The following PLCE1 variants were observed in gnomAD, a reference collection of about 807,000 sequenced individuals.
The protein encoded by PLCE1 is phospholipase C epsilon 1.
A neutral mutation model predicts 242.8 loss-of-function variants in PLCE1; 119 were observed. The ratio of observed to expected loss-of-function variants is 0.49; its 90% CI spans 0.42 to 0.57. The LOEUF (loss-of-function observed/expected upper bound fraction) is 0.57, where lower values mean the gene tolerates loss of function less well. Among genes scored for constraint, PLCE1 ranks in the 20% least tolerant of loss-of-function variants. The probability of loss-of-function intolerance (pLI) is 0.00; values close to 1 mark genes in which losing one functional copy is unlikely to be tolerated. For synonymous variants in PLCE1, 945 were observed against 1,017.4 expected (o/e 0.93, Z 1.35); for missense variants, 2,441 against 2,788.8 (o/e 0.88, Z 2.81).
At chr10:94,048,544 A>G (rs1223161747) in intron 2 of PLCE1, among the ~76,000 whole-genome samples, 1 of 151,576 alleles carries the variant, frequency 6.6e-6, no homozygotes, top group Non-Finnish European at 1.5e-5. Flanking sequence ...GATGTTTACC[A>G]TATTTTTGTG....
At chr10:94,041,947 T>G (rs1172590136) in intron 2 of PLCE1, among the ~76,000 whole-genome samples, 1 of 152,092 alleles carries the variant, frequency 6.6e-6, no homozygotes, top group African/African-American at 2.4e-5. Flanking sequence ...GCAAGTCACT[T>G]TAGGGCCGAG....
intron 1 of PLCE1, among the ~76,000 whole-genome samples, chr10:94,027,607 G>A (rs2061473993): frequency 6.6e-6 from 1 of 152,102 alleles, no homozygotes; most frequent in Admixed American, 6.5e-5. Flanking sequence ...GGATCACAAG[G>A]TCAGGAGATC....
At chr10:94,105,363 A>T (rs1389708221) in intron 2 of PLCE1, 1 of 152,282 alleles carries the variant, frequency 6.6e-6, no homozygotes, top group Non-Finnish European at 1.5e-5. Context: ...GACACCAGGG[A>T]TCACCTGTCA....
intron 2 of PLCE1, among the ~76,000 whole-genome samples, chr10:94,043,528 A>T (rs2061813912): frequency 6.6e-6 from 1 of 152,186 alleles, no homozygotes; most frequent in African/African-American, 2.4e-5. Flanking sequence ...AGTGAGTGTG[A>T]TGTGCATTGG....
chr10:94,219,893 A>G (rs1002347376), intron 4 of PLCE1, among the ~76,000 whole-genome samples: 4 of 152,030 alleles, frequency 2.6e-5, no homozygotes, highest in Non-Finnish European at 5.9e-5. Flanking sequence ...GGGTAAGGGG[A>G]GATAATCTGA....
intron 2 of PLCE1, among the ~76,000 whole-genome samples, chr10:94,111,135 G>A (rs1332545490): frequency 6.6e-6 from 1 of 152,202 alleles, no homozygotes; most frequent in Non-Finnish European, 1.5e-5. Flanking sequence ...GTTGTACACA[G>A]CAATGGAGTA....
At chr10:94,176,654 GT>G (rs1171096714) in intron 4 of PLCE1, among the ~76,000 whole-genome samples, 3 of 152,190 alleles carry the variant, frequency 2.0e-5, no homozygotes, top group African/African-American at 7.2e-5. Flanking sequence ...GCCGGTGCTA[GT>G]CACTTGGGGT....
chr10:94,281,489 A>G (rs1188326720), intron 20 of PLCE1, among the ~76,000 whole-genome samples: 7 of 152,196 alleles, frequency 4.6e-5, no homozygotes, highest in Admixed American at 1.3e-4. Context: ...ATTTAGTCCT[A>G]TACCACTGAA....
intron 30 of PLCE1, among the ~76,000 whole-genome samples, chr10:94,323,076 G>A (rs764340590): frequency 6.6e-6 from 1 of 152,140 alleles, no homozygotes; most frequent in Non-Finnish European, 1.5e-5. Context: ...ATGGATTTAG[G>A]AAGTGACTCT....
chr10:94,184,678 C>A (rs74151078), intron 4 of PLCE1, among the ~76,000 whole-genome samples: 2,153 of 152,270 alleles, frequency 0.014, 51 homozygotes, highest in African/African-American at 0.048. Context: ...TCTGTTTTAG[C>A]CACACAACCT....
intron 2 of PLCE1, among the ~76,000 whole-genome samples, chr10:94,056,709 T>C (rs975997430): frequency 6.6e-6 from 1 of 152,202 alleles, no homozygotes; most frequent in African/African-American, 2.4e-5. Flanking sequence ...TTTACCATAT[T>C]CATGGAGTTG....
chr10:94,202,023 A>G (rs117650785), intron 4 of PLCE1, among the ~76,000 whole-genome samples: 90 of 152,332 alleles, frequency 5.9e-4, no homozygotes, highest in Admixed American at 1.2e-3. Flanking sequence ...TGCCAAGTTA[A>G]AGACAAAATC....
At chr10:94,010,959 C>T (rs1273782892) in intron 1 of PLCE1, among the ~76,000 whole-genome samples, 2 of 152,208 alleles carry the variant, frequency 1.3e-5, no homozygotes, top group African/African-American at 4.8e-5. Flanking sequence ...CTTCCAGCCT[C>T]TGCCCATTTC....
intron 2 of PLCE1, among the ~76,000 whole-genome samples, chr10:94,075,210 G>GT (rs1352754208): frequency 6.6e-6 from 1 of 152,168 alleles, no homozygotes; most frequent in Non-Finnish European, 1.5e-5. Context: ...AGAATGGCTA[G>GT]TTAGTCAGGG....
chr10:94,320,166 G>C (rs146734757), intron 29 of PLCE1, among the ~76,000 whole-genome samples: 3 of 152,076 alleles, frequency 2.0e-5, no homozygotes, highest in Admixed American at 1.3e-4. Flanking sequence ...ATGATGATCA[G>C]TGCAATGACA....
Position 94,234,278 on chromosome 10 carries a change from G to T in PLCE1, c.2180G>T (p.Cys727Phe). The part of the protein sequence containing the change: ...LDGASGLMKL[C>F]PRYNSQEETL... ...GGCGCCTCCGGTCTCATGAAGCTTT[G>T]CCCGCGGTACAATTCCCAAGAAGAA... Residue 727 changes from cysteine (C) to phenylalanine (F), a missense_variant, in exon 6 of 33, where the codon TGC (cysteine) becomes TTC (phenylalanine). Cys to Phe is a radical substitution (Grantham distance 205). Transcript: ENST00000371380. The T allele has an allele frequency of 6.2e-7, 1 of 1,614,118 alleles. No homozygotes were observed. Among genetic ancestry groups the T allele is most frequent in the Non-Finnish European group, 8.5e-7 (1 of 1,180,020 alleles).
intron 2 of PLCE1, among the ~76,000 whole-genome samples, chr10:94,067,579 T>G (rs1338768459): frequency 6.6e-6 from 1 of 152,076 alleles, no homozygotes; most frequent in East Asian, 1.9e-4. Flanking sequence ...TTTACAAAAG[T>G]GTGGCAGGAT....
chr10:94,254,924 C>G lies in PLCE1; in HGVS notation c.3429C>G (p.Pro1143=). Residue 1143 remains proline (P), a synonymous_variant, in exon 11 of 33, where the codon CCC becomes CCG. Transcript: ENST00000371380. ...ATGCCATCGCTAACCCTCCAAACCC[C>G]CTCCCTTCCAGAAGAGCCCACTCTT... ...EVNAIANPPN[P]LPSRRAHSLT... 6.2e-7 allele frequency: 1 copy of G among 1,614,104 alleles called. No individual in the cohort carries two copies. The highest frequency in any genetic ancestry group is 8.5e-7 in the Non-Finnish European group (1 of 1,179,990).
At chr10:94,010,363 G>A (rs2134261046) in intron 1 of PLCE1, among the ~76,000 whole-genome samples, 1 of 152,292 alleles carries the variant, frequency 6.6e-6, no homozygotes, top group Admixed American at 6.5e-5. Context: ...AATGGGAGGG[G>A]CAGCTTGGAA....
Sources: gnomAD v4.1 joint callset for allele counts (sites outside exome capture counted in the v4.1 genomes callset) on GRCh38, gnomAD v4.1.1 for gene constraint, MANE v1.5 for transcripts, NCBI Gene and HGNC (gene_info 2026-07-23, HGNC 2026-07-21) for gene names.